The following OR5K1 variants were observed in gnomAD, a reference collection of about 807,000 sequenced individuals.
The protein encoded by OR5K1 is olfactory receptor family 5 subfamily K member 1, also known as olfactory receptor 5K1.
OR5K1 carries 7 observed loss-of-function variants against 10.4 expected under a neutral mutation model. The observed-to-expected ratio is 0.67, with a 90% CI of 0.38 to 1.26. OR5K1 has a LOEUF of 1.26. Among genes scored for constraint, OR5K1 ranks in the 50% most tolerant of loss-of-function variants. The pLI is 0.02. For synonymous variants in OR5K1, 135 were observed against 128.5 expected, an observed-to-expected ratio of 1.05 and a Z score of -0.34; for missense variants, 435 against 366.2, an observed-to-expected ratio of 1.19 and a Z score of -1.53.
Position 98,471,620 on chromosome 3 carries a change from A to G in OR5K1, c.*1117A>G, listed in dbSNP as rs1447063521. On this transcript the variant is annotated 3_prime_UTR_variant, in exon 2 of 2. Transcript: ENST00000642057. The stretch of plus-strand genomic sequence containing the variant: ...TCTTCTCGAAGAATAGAATATTGCC[A>G]CAATTTTTATTACTAACTTCTGGAT... 1.3e-5 allele frequency: 2 copies of G among 151,998 alleles called. No homozygotes were observed. Among genetic ancestry groups the G allele is most frequent in the South Asian group, 2.1e-4 (1 of 4,832 alleles). 9.4% of individuals were successfully genotyped at this position (151,998 alleles called of 1,614,324 possible). A position where few individuals can be genotyped will look rare whatever the true frequency, so the allele number is the denominator to read the frequency against.
chr3:98,472,698 T>G lies in OR5K1; in HGVS notation c.*2195T>G, dbSNP rs769019147. 1 of 150,866 alleles carries G rather than the reference T, an allele frequency of 6.6e-6. No individual in the cohort carries two copies. The highest frequency in any genetic ancestry group is 1.5e-5 in the Non-Finnish European group (1 of 67,686). The allele number at this position is 150,866 out of a possible 1,614,324, so 9.3% of individuals were successfully genotyped here. A position where few individuals can be genotyped will look rare whatever the true frequency, so the allele number is the denominator to read the frequency against. ...GGAATATCAAAGGTATGCTCAGAAA[T>G]AAAAAAAAAGTGAGGGATAACACTG... On this transcript the variant is annotated 3_prime_UTR_variant, in exon 2 of 2. Transcript: ENST00000642057.
At position 98,469,925 on chromosome 3, in the gene OR5K1, G is replaced by A. The variant is rs1705422038; in HGVS notation, c.349G>A (p.Ala117Thr). 3.1e-6 allele frequency: 5 copies of A among 1,613,608 alleles called. No individual in the cohort carries two copies. The East Asian group carries it at 6.7e-5, about 22-fold the overall frequency. The change falls in exon 2 of 2, where the codon GCA becomes ACA. Residue 117 changes from alanine to threonine, a missense_variant. Transcript: ENST00000642057. ...VETADCFLLA[A>T]MAYDRYVAIC... ...AACTGCAGACTGCTTTCTTCTGGCAGCAATGGCCTATGACCGCTATGTGGC... is the reference window on the plus strand; with the variant it reads ...AACTGCAGACTGCTTTCTTCTGGCAACAATGGCCTATGACCGCTATGTGGC...
chr3:98,469,597 C>T lies in OR5K1; in HGVS notation c.21C>T (p.Thr7=). The change falls in exon 2 of 2, where the codon ACC becomes ACT. Residue 7 remains threonine (T), a synonymous_variant. Transcript: ENST00000642057. ...CAGGAATGGCTGAAGAAAATCATAC[C>T]ATGAAAAATGAGTTTATCCTCACAG... MAEENH[T]MKNEFILTGF... The T allele has an allele frequency of 1.2e-6, 2 of 1,608,528 alleles. No individual in the cohort carries two copies. Among genetic ancestry groups the T allele is most frequent in the Non-Finnish European group, 1.7e-6 (2 of 1,176,920 alleles).
Position 98,470,102 on chromosome 3 carries a change from C to T in OR5K1, c.526C>T (p.His176Tyr), listed in dbSNP as rs1188697866. The change falls in exon 2 of 2, where the codon CAC (histidine) becomes TAC (tyrosine). Residue 176 changes from histidine to tyrosine, a missense_variant. By Grantham distance (83) the His-to-Tyr change is moderately conservative (BLOSUM62 2). Coordinates refer to ENST00000642057, the MANE Select transcript of OR5K1 (RefSeq NM_001004736.4). Reference sequence around the variant, plus strand: ...TTTCTGTGGATCGAATCACATCAACCACTTTTACTGTGATATTCTTCCCTT... The same window carrying T: ...TTTCTGTGGATCGAATCACATCAACTACTTTTACTGTGATATTCTTCCCTT... ...LVFCGSNHIN[H>Y]FYCDILPLYR... The T allele has an allele frequency of 3.1e-6, 5 of 1,613,520 alleles. No individual in the cohort carries two copies. The highest frequency in any genetic ancestry group is 1.1e-5 in the South Asian group (1 of 91,082).
At chr3:98,467,881 A>G (rs1239522202) in intron 1 of OR5K1, among the ~76,000 whole-genome samples, 1 of 147,746 alleles carries the variant, frequency 6.8e-6, no homozygotes, top group African/African-American at 2.5e-5. Flanking sequence ...TCCTAATTGA[A>G]TACCCTTTAT....
chr3:98,470,742 G>A lies in OR5K1; in HGVS notation c.*239G>A, dbSNP rs887737776. 3.6e-6 allele frequency: 1 copy of A among 279,224 alleles called. No individual in the cohort carries two copies. The highest frequency in any genetic ancestry group is 6.6e-6 in the Non-Finnish European group (1 of 150,400). The allele number at this position is 279,224 out of a possible 1,614,324, so 17.3% of individuals were successfully genotyped here. A position where few individuals can be genotyped will look rare whatever the true frequency, so the allele number is the denominator to read the frequency against. On this transcript the variant is annotated 3_prime_UTR_variant, in exon 2 of 2. Coordinates refer to ENST00000642057, the MANE Select transcript of OR5K1 (RefSeq NM_001004736.4). ...AAATTCTAATTTTGAACTCATTCAA[G>A]TAACAATGTAGTATGTTGTCAAGCT...
chr3:98,471,727 CAA>C lies in OR5K1; in HGVS notation c.*1225_*1226del, dbSNP rs1261944398. ...AGGACCTGTCTAAATTCCCAGAAAG[CAA>C]TTGTCAAGTGCTCCAGGTTAGCCAG... On this transcript the variant is annotated 3_prime_UTR_variant, in exon 2 of 2. Transcript: ENST00000642057. 6.6e-6 allele frequency: 1 copy of C among 151,964 alleles called. No homozygotes were observed. Among genetic ancestry groups the C allele is most frequent in the Non-Finnish European group, 1.5e-5 (1 of 67,948 alleles). 9.4% of individuals were successfully genotyped at this position (151,964 alleles called of 1,614,324 possible). A position where few individuals can be genotyped will look rare whatever the true frequency, so the allele number is the denominator to read the frequency against.
chr3:98,469,956 G>A lies in OR5K1; in HGVS notation c.380G>A (p.Cys127Tyr). 6.2e-7 allele frequency: 1 copy of A among 1,613,746 alleles called. No homozygotes were observed. The highest frequency in any genetic ancestry group is 8.5e-7 in the Non-Finnish European group (1 of 1,179,822). ...GCCTATGACCGCTATGTGGCCATAT[G>A]CAACCCACTGCAGTACCACATCATG... ...AMAYDRYVAI[C>Y]NPLQYHIMMS... Residue 127 changes from cysteine to tyrosine, a missense_variant, in exon 2 of 2, where the codon TGC (cysteine) becomes TAC (tyrosine). Transcript: ENST00000642057.
At position 98,470,278 on chromosome 3, in the gene OR5K1, G is replaced by A. The variant is rs192780320; in HGVS notation, c.702G>A (p.Arg234=). The part of the protein sequence containing the change: ...TIFKMKSKEG[R]AKAFSTCASH... ...TCAAAATGAAATCCAAAGAGGGAAG[G>A]GCCAAAGCTTTTTCTACCTGTGCAT... The change falls in exon 2 of 2, where the codon AGG becomes AGA. Residue 234 remains arginine, a synonymous_variant. Coordinates refer to ENST00000642057, the MANE Select transcript of OR5K1 (RefSeq NM_001004736.4). The A allele has an allele frequency of 1.2e-6, 2 of 1,612,990 alleles. No individual in the cohort carries two copies. The highest frequency in any genetic ancestry group is 1.3e-5 in the African/African-American group (1 of 74,810).
chr3:98,471,981 C>T lies in OR5K1; in HGVS notation c.*1478C>T, dbSNP rs913185081. The T allele has an allele frequency of 6.6e-6, 1 of 151,980 alleles. No individual in the cohort carries two copies. Among genetic ancestry groups the T allele is most frequent in the African/African-American group, 2.4e-5 (1 of 41,404 alleles). The allele number at this position is 151,980 out of a possible 1,614,324, so 9.4% of individuals were successfully genotyped here. On this transcript the variant is annotated 3_prime_UTR_variant, in exon 2 of 2. Coordinates refer to ENST00000642057, the MANE Select transcript of OR5K1 (RefSeq NM_001004736.4). ...TTAAATTCCATCAATTTAGGATTTACCCAACACTACCTACATCCTTCCTTC... is the reference window on the plus strand; with the variant it reads ...TTAAATTCCATCAATTTAGGATTTATCCAACACTACCTACATCCTTCCTTC...
At position 98,469,737 on chromosome 3, in the gene OR5K1, G is replaced by T. The variant is rs372270718; in HGVS notation, c.161G>T (p.Arg54Leu). 1 of 1,613,706 alleles carries T rather than the reference G, an allele frequency of 6.2e-7. No homozygotes were observed. Among genetic ancestry groups the T allele is most frequent in the Non-Finnish European group, 8.5e-7 (1 of 1,179,792 alleles). Residue 54 changes from arginine (R) to leucine (L), a missense_variant, in exon 2 of 2, where the codon CGG (arginine) becomes CTG (leucine). Physicochemically the swap from Arg to Leu is moderately radical, Grantham distance 102. Coordinates refer to ENST00000642057, the MANE Select transcript of OR5K1 (RefSeq NM_001004736.4). ...GTGGCACTGATATTTACACACCGTC[G>T]GCTTCACACACCAATGTACATCTTT... is the stretch of plus-strand genomic sequence containing the variant. Reference protein sequence around the residue: ...SLVALIFTHRRLHTPMYIFLG... With the variant: ...SLVALIFTHRLLHTPMYIFLG...
In OR5K1 at chr3:98,470,911, A is replaced by T. The variant is rs1395330289; in HGVS notation, c.*408A>T. On this transcript the variant is annotated 3_prime_UTR_variant, in exon 2 of 2. Coordinates refer to ENST00000642057, the MANE Select transcript of OR5K1 (RefSeq NM_001004736.4). ...GCTTAGAGCATGAGCATTATGGTTA[A>T]ACTGAAAGAGTTTAAGATCATATGA... The T allele has an allele frequency of 6.5e-6, 1 of 154,148 alleles. No homozygotes were observed. Among genetic ancestry groups the T allele is most frequent in the Admixed American group, 6.5e-5 (1 of 15,432 alleles). The allele number at this position is 154,148 out of a possible 1,614,324, so 9.5% of individuals were successfully genotyped here. A position where few individuals can be genotyped will look rare whatever the true frequency, so the allele number is the denominator to read the frequency against.
rs745713592 is a variant in OR5K1 at position 98,470,183 on chromosome 3, T to G, written c.607T>G (p.Ser203Ala). Residue 203 changes from serine (S) to alanine (A), a missense_variant, in exon 2 of 2, where the codon TCA (serine) becomes GCA (alanine). Physicochemically the swap from Ser to Ala is moderately conservative, Grantham distance 99. Transcript: ENST00000642057. ...CAATGAACTGGTTCTATTCATCTTC[T>G]CAGGTTCAGTTCAAGTCTTTACCAT... ...YINELVLFIF[S>A]GSVQVFTIGS... 3 of 1,613,318 alleles carry G rather than the reference T, an allele frequency of 1.9e-6. No homozygotes were observed. The highest frequency in any genetic ancestry group is 1.1e-5 in the South Asian group (1 of 91,058).
chr3:98,470,150 C>A lies in OR5K1; in HGVS notation c.574C>A (p.Pro192Thr). 6.2e-7 allele frequency: 1 copy of A among 1,613,448 alleles called. No individual in the cohort carries two copies. ...LPLYRLSCVD[P>T]YINELVLFIF... ...CTTGTATAGACTCTCTTGTGTTGAT[C>A]CTTATATCAATGAACTGGTTCTATT... Residue 192 changes from proline (P) to threonine (T), a missense_variant, in exon 2 of 2, where the codon CCT becomes ACT. By Grantham distance (38) the Pro-to-Thr change is conservative. Transcript: ENST00000642057.
At chr3:98,464,352 A>T (rs1705345417) in intron 1 of OR5K1, among the ~76,000 whole-genome samples, 1 of 152,196 alleles carries the variant, frequency 6.6e-6, no homozygotes, top group Admixed American at 6.6e-5. Context: ...AAAAGGAGAG[A>T]TCTTCTTATA....
intron 1 of OR5K1, among the ~76,000 whole-genome samples, chr3:98,469,131 A>G (rs540215608): frequency 3.4e-4 from 51 of 152,234 alleles, no homozygotes; most frequent in Middle Eastern, 3.4e-3. Flanking sequence ...TGTCCTTTGT[A>G]GCAACATGGA....
In OR5K1 at chr3:98,470,557, C is replaced by T. The variant is rs996541714; in HGVS notation, c.*54C>T. 9.4e-7 allele frequency: 1 copy of T among 1,062,496 alleles called. No homozygotes were observed. The highest frequency in any genetic ancestry group is 1.4e-6 in the Non-Finnish European group (1 of 734,022). 65.8% of individuals were successfully genotyped at this position (1,062,496 alleles called of 1,614,324 possible). ...CTACTATAGCTTAATGATTTAAATG[C>T]AGCAAAAACTTCCATGTGAAATTAC... On this transcript the variant is annotated 3_prime_UTR_variant, in exon 2 of 2. Coordinates refer to ENST00000642057, the MANE Select transcript of OR5K1 (RefSeq NM_001004736.4).
rs76190074 is a variant in OR5K1 at position 98,469,762 on chromosome 3, T to G, written c.186T>G (p.Phe62Leu). 8.6e-3 allele frequency: 13,950 copies of G among 1,613,752 alleles called. 913 individuals carry two copies. The African/African-American group carries it at 0.15, about 18-fold the overall frequency. Residue 62 changes from phenylalanine (F) to leucine (L), a missense_variant, in exon 2 of 2, where the codon TTT becomes TTG. Transcript: ENST00000642057. ...HRRLHTPMYI[F>L]LGNLALVDSC... ...GGCTTCACACACCAATGTACATCTT[T>G]CTGGGAAATCTGGCTCTTGTGGATT...
chr3:98,469,844 A>G lies in OR5K1; in HGVS notation c.268A>G (p.Lys90Glu). 1.9e-6 allele frequency: 3 copies of G among 1,613,766 alleles called. No homozygotes were observed. The highest frequency in any genetic ancestry group is 2.5e-6 in the Non-Finnish European group (3 of 1,179,744). ...GTTAGAGAACTTCTTTTCTGAGAACAAAAGGATTTCCCTCTATGAATGTGC... is the reference window on the plus strand; with the variant it reads ...GTTAGAGAACTTCTTTTCTGAGAACGAAAGGATTTCCCTCTATGAATGTGC... ...KMLENFFSEN[K>E]RISLYECAVQ... Residue 90 changes from lysine (K) to glutamate (E), a missense_variant, in exon 2 of 2, where the codon AAA becomes GAA. By Grantham distance (56) the Lys-to-Glu change is moderately conservative (BLOSUM62 1). Transcript: ENST00000642057.
Sources: gnomAD v4.1 joint callset for allele counts (sites outside exome capture counted in the v4.1 genomes callset) on GRCh38, gnomAD v4.1.1 for gene constraint, MANE v1.5 for transcripts, NCBI Gene and HGNC (gene_info 2026-07-23, HGNC 2026-07-21) for gene names.